Variants in COL4A4 observed in about 807,000 individuals in gnomAD.
COL4A4 encodes the protein collagen alpha-4(IV) chain.
In COL4A4, 105 loss-of-function variants were observed where a neutral mutation model predicts 192.9. That is an observed-to-expected ratio of 0.54 (90% CI 0.46 to 0.64). The LOEUF (loss-of-function observed/expected upper bound fraction) is 0.64, where lower values mean the gene tolerates loss of function less well. COL4A4 is among the 30% of genes least tolerant of loss of function. The pLI is 0.00. For synonymous variants in COL4A4, 762 were observed against 769.9 expected, an observed-to-expected ratio of 0.99 and a Z score of 0.17; for missense variants, 1,967 against 2,169.3, an observed-to-expected ratio of 0.91 and a Z score of 1.85.
At position 227,059,534 on chromosome 2, in the gene COL4A4, C is replaced by T. The variant is rs764295374; in HGVS notation, c.2254G>A (p.Val752Met). 10 of 1,614,178 alleles carry T rather than the reference C, an allele frequency of 6.2e-6. No homozygotes were observed. The highest frequency in any genetic ancestry group is 3.3e-5 in the South Asian group (3 of 91,080). Reference protein sequence around the residue: ...GPPGPPGSPGVNGQKGIPGDP... With the variant: ...GPPGPPGSPGMNGQKGIPGDP... ...CCCGGGATTCCTTTCTGACCATTCA[C>T]TCCTGGTGAGCCGGGAGGGCCTGGG... is the stretch of plus-strand genomic sequence containing the variant. Residue 752 changes from valine (V) to methionine (M), a missense_variant, in exon 28 of 48, where the codon GTG becomes ATG. Transcript: ENST00000396625.
At chr2:227,071,662 C>T (rs965964168) in intron 25 of COL4A4, among the ~76,000 whole-genome samples, 19 of 151,996 alleles carry the variant, frequency 1.3e-4, no homozygotes, top group Non-Finnish European at 2.5e-4. Context: ...AAATAAGTCT[C>T]AATAAATTTT....
chr2:227,030,465 A>G lies in COL4A4; in HGVS notation c.3951T>C (p.Cys1317=). ...GPPGYKGFPG[C]DGKDGQKGPV... ...TACCTTTCTGGCCATCTTTTCCATC[A>G]CATCCTGGAAAGCCTTTGTATCCTG... Residue 1317 remains cysteine, a synonymous_variant, in exon 41 of 48, where the codon TGT becomes TGC. Coordinates refer to ENST00000396625, the MANE Select transcript of COL4A4 (RefSeq NM_000092.5). 4 of 1,614,214 alleles carry G rather than the reference A, an allele frequency of 2.5e-6. No homozygotes were observed. Among genetic ancestry groups the G allele is most frequent in the Non-Finnish European group, 3.4e-6 (4 of 1,180,042 alleles).
chr2:227,054,647 C>A lies in COL4A4; in HGVS notation c.2807G>T (p.Gly936Val). 1 of 1,614,258 alleles carries A rather than the reference C, an allele frequency of 6.2e-7. No individual in the cohort carries two copies. The highest frequency in any genetic ancestry group is 8.5e-7 in the Non-Finnish European group (1 of 1,180,040). The change falls in exon 31 of 48, where the codon GGA (glycine) becomes GTA (valine). Residue 936 changes from glycine (G) to valine (V), a missense_variant. Transcript: ENST00000396625. The stretch of plus-strand genomic sequence containing the variant: ...AGGAAGGCCAGACATGCCCTTCTCT[C>A]CAGGTTCTCCCTTTGCGCCAGGACA... ...EGCPGAKGEPGEKGMSGLPGD... is the reference protein window; with the variant it reads ...EGCPGAKGEPVEKGMSGLPGD...
At chr2:227,030,722 A>C (rs1968106566) in intron 40 of COL4A4, 124 bp from the exon 41 acceptor site, 1 of 679,176 alleles carries the variant, frequency 1.5e-6, no homozygotes, top group South Asian at 2.3e-5. Context: ...GAGAATTAGA[A>C]GAATAAGAAA....
chr2:227,138,886 T>A (rs982263253), intron 4 of COL4A4, among the ~76,000 whole-genome samples: 1 of 152,178 alleles, frequency 6.6e-6, no homozygotes, highest in African/African-American at 2.4e-5. Flanking sequence ...CCTTGTAGAC[T>A]CCTCTTTACT....
chr2:227,159,943 T>G (rs1321893706), intron 1 of COL4A4, among the ~76,000 whole-genome samples: 3 of 152,222 alleles, frequency 2.0e-5, no homozygotes, highest in African/African-American at 7.2e-5. Context: ...CACCACATAT[T>G]ATTTCTGTGC....
intron 10 of COL4A4, 167 bp downstream of exon 10, chr2:227,109,057 T>C: frequency 1.1e-6 from 1 of 889,412 alleles, no homozygotes; most frequent in Non-Finnish European, 1.9e-6. Context: ...CGCAGGGACC[T>C]GTGCTTCAAG....
chr2:227,082,007 C>G, intron 23 of COL4A4, 108 bp downstream of exon 23: 1 of 1,004,506 alleles, frequency 1.0e-6, no homozygotes, highest in Non-Finnish European at 1.6e-6. Flanking sequence ...TCTCAACCAT[C>G]CTAAATTGTA....
chr2:226,976,575 C>T, the COL4A4 span, among the ~76,000 whole-genome samples: 6 of 152,228 alleles, frequency 3.9e-5, no homozygotes, highest in East Asian at 1.9e-4. Context: ...CACACAGTTC[C>T]GTGTGGTGCT....
rs201233834 is a variant in COL4A4, at chr2:227,094,289, C to A, written c.1205G>T (p.Gly402Val). Residue 402 changes from glycine to valine, a missense_variant and splice_region_variant, in exon 20 of 48, where the codon GGC (glycine) becomes GTC (valine). Physicochemically the swap from Gly to Val is moderately radical, Grantham distance 109. Coordinates refer to ENST00000396625, the MANE Select transcript of COL4A4 (RefSeq NM_000092.5). ...TTGTGGCCCAGGGGGTCCTATCATG[C>A]CTGCAAGATAAATCAAGAATGAAAA... ...LLGRPGEACA[G>V]MIGPPGPQGF... The A allele has an allele frequency of 6.2e-7, 1 of 1,613,400 alleles. No homozygotes were observed. Among genetic ancestry groups the A allele is most frequent in the African/African-American group, 1.3e-5 (1 of 75,010 alleles).
At chr2:226,997,577 T>A in the COL4A4 span, 1 of 152,220 alleles carries the variant, frequency 6.6e-6, no homozygotes, top group Non-Finnish European at 1.5e-5. Flanking sequence ...ACCAAAGTAT[T>A]TTTTCCATTG....
the COL4A4 span, among the ~76,000 whole-genome samples, chr2:226,972,462 G>T: frequency 6.6e-6 from 1 of 152,158 alleles, no homozygotes; most frequent in Non-Finnish European, 1.5e-5. Flanking sequence ...CCTGGAAAAA[G>T]GGGTCTGCCC....
chr2:227,091,232 A>G (rs189310057), intron 20 of COL4A4, among the ~76,000 whole-genome samples: 28 of 151,612 alleles, frequency 1.8e-4, no homozygotes, highest in African/African-American at 6.1e-4. Flanking sequence ...AAAAGAGAAC[A>G]CAGCAATTGA....
chr2:227,081,530 C>T (rs2059325789), intron 23 of COL4A4, among the ~76,000 whole-genome samples: 1 of 152,132 alleles, frequency 6.6e-6, no homozygotes, highest in African/African-American at 2.4e-5. Context: ...AGTAGGAAAG[C>T]CACTACTTTT....
At chr2:227,067,454 C>T (rs1576282789) in intron 25 of COL4A4, among the ~76,000 whole-genome samples, 1 of 152,162 alleles carries the variant, frequency 6.6e-6, no homozygotes, top group African/African-American at 2.4e-5. Flanking sequence ...CAAAATTGAC[C>T]ACATACTTGG....
intron 4 of COL4A4, among the ~76,000 whole-genome samples, chr2:227,130,897 T>C (rs1357223785): frequency 6.6e-6 from 1 of 151,766 alleles, no homozygotes; most frequent in Non-Finnish European, 1.5e-5. Context: ...CAAGTCTGCC[T>C]CCCAAATATG....
intron 17 of COL4A4, 101 bp from the exon 18 acceptor site, chr2:227,099,790 A>G (rs1342189318): frequency 6.4e-5 from 64 of 999,608 alleles, no homozygotes; most frequent in Non-Finnish European, 9.0e-5. Context: ...CATTCATATA[A>G]GAAGCAGAGA....
chr2:227,117,538 G>A (rs193291838), intron 7 of COL4A4, among the ~76,000 whole-genome samples: 12 of 152,118 alleles, frequency 7.9e-5, no homozygotes, highest in Non-Finnish European at 1.6e-4. Context: ...TGGAGCAAAA[G>A]GAAGACTCGT....
At chr2:227,071,057 A>G (rs2058693183) in intron 25 of COL4A4, among the ~76,000 whole-genome samples, 1 of 152,098 alleles carries the variant, frequency 6.6e-6, no homozygotes, top group Admixed American at 6.6e-5. Flanking sequence ...ACAATACCTC[A>G]CATCTCAATA....
Sources: allele counts gnomAD v4.1 joint callset (sites outside exome capture counted in the v4.1 genomes callset), GRCh38; gene constraint gnomAD v4.1.1; transcripts MANE v1.5; gene names NCBI Gene and HGNC (gene_info 2026-07-23, HGNC 2026-07-21).